Variants in AGAP1 observed in about 807,000 individuals in gnomAD.
AGAP1 encodes the protein arf-GAP with GTPase, ANK repeat and PH domain-containing protein 1.
A neutral mutation model predicts 105.3 loss-of-function variants in AGAP1; 29 were observed. The ratio of observed to expected loss-of-function variants is 0.28; its 90% CI spans 0.21 to 0.38. AGAP1 has a LOEUF of 0.38. AGAP1 is among the 10% of genes least tolerant of loss of function. AGAP1 has a pLI of 1.00. For missense variants in AGAP1, 998 were observed against 1,165.1 expected (o/e 0.86, Z 2.09); for synonymous variants, 509 against 485.9 (o/e 1.05, Z -0.63).
At chr2:235,791,650 C>T (rs570004770) in intron 6 of AGAP1, among the ~76,000 whole-genome samples, 3 of 152,132 alleles carry the variant, frequency 2.0e-5, no homozygotes, top group East Asian at 3.9e-4. Flanking sequence ...TGGGTTCAAG[C>T]GATTCTCCTG....
intron 1 of AGAP1, among the ~76,000 whole-genome samples, chr2:235,672,803 T>TAA (rs1336451424): frequency 6.6e-6 from 1 of 152,234 alleles, no homozygotes; most frequent in Non-Finnish European, 1.5e-5. Context: ...TGATACAAGT[T>TAA]AAAAGCATTT....
chr2:235,874,166 T>C lies in AGAP1; in HGVS notation c.1051-9179T>C, dbSNP rs2049590835. Among the ~76,000 whole-genome samples, 1 of 152,142 alleles carries C rather than the reference T, an allele frequency of 6.6e-6. No homozygotes were observed. Among genetic ancestry groups the C allele is most frequent in the South Asian group, 2.1e-4 (1 of 4,822 alleles). On this transcript the variant is annotated intron_variant, in intron 9 of 17. Transcript: ENST00000304032. This position sits in a 1 kb window ranked among gnomAD's most constrained non-coding sequence, Gnocchi z 4.5. Reference sequence around the variant, plus strand: ...TCTCCCTCCAACCAATTGCCCTACCTCAGCCTCCCAAGTAGCTAGGTCTAC... The same window carrying C: ...TCTCCCTCCAACCAATTGCCCTACCCCAGCCTCCCAAGTAGCTAGGTCTAC...
intron 1 of AGAP1, among the ~76,000 whole-genome samples, chr2:235,521,733 G>GTT (rs200880686): frequency 0.61 from 77,479 of 127,954 alleles, 21,899 homozygotes; most frequent in South Asian, 0.7. Flanking sequence ...GTTTTTGTTT[G>GTT]TTATATATAT....
At chr2:235,570,029 T>A (rs1944466426) in intron 1 of AGAP1, among the ~76,000 whole-genome samples, 1 of 152,240 alleles carries the variant, frequency 6.6e-6, no homozygotes, top group Non-Finnish European at 1.5e-5. Flanking sequence ...CTCAGTTCTC[T>A]TTTTCTTTCC....
At chr2:235,726,589 G>A (rs757487825) in intron 3 of AGAP1, among the ~76,000 whole-genome samples, 8 of 152,094 alleles carry the variant, frequency 5.3e-5, no homozygotes, top group Admixed American at 2.0e-4. Flanking sequence ...TGCTCCTCCC[G>A]TCTGCCCATG....
chr2:235,746,083 G>T (rs79755966), intron 5 of AGAP1, among the ~76,000 whole-genome samples: 1 of 152,018 alleles, frequency 6.6e-6, no homozygotes, highest in Non-Finnish European at 1.5e-5. Context: ...CTGAGATCAC[G>T]CCATTGCACT....
At chr2:236,015,245 G>A (rs934529126) in intron 13 of AGAP1, among the ~76,000 whole-genome samples, 2 of 152,172 alleles carry the variant, frequency 1.3e-5, no homozygotes, top group African/African-American at 4.8e-5. Flanking sequence ...AGTATCAGGT[G>A]TAATGATCTG....
chr2:236,060,803 C>T (rs999061618), intron 16 of AGAP1, among the ~76,000 whole-genome samples: 2 of 151,920 alleles, frequency 1.3e-5, no homozygotes, highest in Non-Finnish European at 2.9e-5. Context: ...GGCTCATGCC[C>T]GTAATCCCAG....
In AGAP1 at chr2:235,557,563, T is replaced by C. The variant is rs1011443780; in HGVS notation, c.163+62714T>C. On this transcript the variant is annotated intron_variant, in intron 1 of 17. Transcript: ENST00000304032. This position sits in a 1 kb window ranked among gnomAD's most constrained non-coding sequence, Gnocchi z 4.7. Reference sequence around the variant, plus strand: ...TGATGTCAGTGAACATTTATTGGCCTTTTTTTCTGTGCCAATAACTCTCAG... The same window carrying C: ...TGATGTCAGTGAACATTTATTGGCCCTTTTTTCTGTGCCAATAACTCTCAG... Among the ~76,000 whole-genome samples, 3 of 152,134 alleles carry C rather than the reference T, an allele frequency of 2.0e-5. No individual in the cohort carries two copies. The highest frequency in any genetic ancestry group is 2.0e-4 in the Admixed American group (3 of 15,278).
intron 9 of AGAP1, among the ~76,000 whole-genome samples, chr2:235,816,644 A>T (rs1575542250): frequency 6.6e-6 from 1 of 152,046 alleles, no homozygotes; most frequent in Non-Finnish European, 1.5e-5. Flanking sequence ...TCATGTCAGC[A>T]CTTTGGGAGA....
chr2:235,833,493 C>A (rs1269202654), intron 9 of AGAP1, among the ~76,000 whole-genome samples: 1 of 152,042 alleles, frequency 6.6e-6, no homozygotes, highest in East Asian at 1.9e-4. Context: ...AACCACCCAC[C>A]CCCACTCTCC....
rs2058803448 is a variant in AGAP1, at chr2:236,082,195, A to G, written c.2114+32914A>G. ...CAAACCTATCATTTTTCACCACGGG[A>G]TATTTACAGCTTCAATCAGTGCCAA... On this transcript the variant is annotated intron_variant, in intron 16 of 17. Transcript: ENST00000304032. This position sits in a 1 kb window ranked among gnomAD's most constrained non-coding sequence, Gnocchi z 4.2. Among the ~76,000 whole-genome samples, 1 of 152,146 alleles carries G rather than the reference A, an allele frequency of 6.6e-6. No homozygotes were observed. Among genetic ancestry groups the G allele is most frequent in the African/African-American group, 2.4e-5 (1 of 41,422 alleles).
intron 6 of AGAP1, among the ~76,000 whole-genome samples, chr2:235,770,475 C>T (rs565520535): frequency 7.9e-5 from 12 of 152,092 alleles, no homozygotes; most frequent in African/African-American, 1.9e-4. Flanking sequence ...TCACCCAGGC[C>T]GGAGTGCAGT....
chr2:235,547,209 C>T (rs77718829), intron 1 of AGAP1, among the ~76,000 whole-genome samples: 375 of 152,262 alleles, frequency 2.5e-3, no homozygotes, highest in African/African-American at 8.8e-3. Context: ...CTGCTTGAGG[C>T]CCACGTCCAG....
intron 1 of AGAP1, among the ~76,000 whole-genome samples, chr2:235,687,608 G>C (rs1271752152): frequency 6.6e-6 from 1 of 152,192 alleles, no homozygotes; most frequent in Non-Finnish European, 1.5e-5. Flanking sequence ...ATTACATGAG[G>C]ACCAGTGTTT....
Position 236,119,222 on chromosome 2 carries a change from C to G in AGAP1, c.2115-970C>G, listed in dbSNP as rs1207115679. Among the ~76,000 whole-genome samples, 3 of 152,120 alleles carry G rather than the reference C, an allele frequency of 2.0e-5. No homozygotes were observed. In the East Asian group the frequency reaches 5.8e-4, roughly 29 times the overall value. On this transcript the variant is annotated intron_variant, in intron 16 of 17. Transcript: ENST00000304032. This position sits in a 1 kb window ranked among gnomAD's most constrained non-coding sequence, Gnocchi z 6.6. ...TCCACACCTCCGACCCCATCCACCC[C>G]CTCCCCAGCTTTGTCCTCTCCTCTG...
At chr2:235,511,442 A>G (rs1341209771) in intron 1 of AGAP1, among the ~76,000 whole-genome samples, 1 of 152,008 alleles carries the variant, frequency 6.6e-6, no homozygotes, top group East Asian at 1.9e-4. Context: ...CTGGCCCTCA[A>G]GTGTTCTAGG....
rs752190099 is a variant in AGAP1, at chr2:235,855,387, C to T, written c.1051-27958C>T. Reference sequence around the variant, plus strand: ...AAAGTCAACTGAAATTCTAAGCTCTCTTTGCTATACTACATTTAAAGATAA... The same window carrying T: ...AAAGTCAACTGAAATTCTAAGCTCTTTTTGCTATACTACATTTAAAGATAA... On this transcript the variant is annotated intron_variant, in intron 9 of 17. Transcript: ENST00000304032. This position sits in a 1 kb window ranked among gnomAD's most constrained non-coding sequence, Gnocchi z 5.0. Among the ~76,000 whole-genome samples the T allele has an allele frequency of 9.2e-5, 14 of 152,204 alleles. No homozygotes were observed. Among genetic ancestry groups the T allele is most frequent in the Non-Finnish European group, 1.8e-4 (12 of 68,042 alleles).
intron 1 of AGAP1, among the ~76,000 whole-genome samples, chr2:235,699,786 T>G (rs1400093591): frequency 1.3e-5 from 2 of 152,146 alleles, no homozygotes; most frequent in Admixed American, 1.3e-4. Flanking sequence ...GTGTCTGCAC[T>G]CTCTACCAAG....
Sources: allele counts gnomAD v4.1 joint callset (sites outside exome capture counted in the v4.1 genomes callset), GRCh38; gene constraint gnomAD v4.1.1; non-coding constraint Gnocchi (gnomAD v3.1); transcripts MANE v1.5; gene names NCBI Gene and HGNC (gene_info 2026-07-23, HGNC 2026-07-21).